TPH2: variants seen among roughly 807,000 people sequenced by gnomAD.
The protein encoded by TPH2 is tryptophan 5-hydroxylase 2.
TPH2 carries 27 observed loss-of-function variants against 59.1 expected under a neutral mutation model. That is an observed-to-expected ratio of 0.46 (90% CI 0.34 to 0.63). TPH2 has a LOEUF of 0.63. Ranked by LOEUF, TPH2 falls within the 30% of genes least tolerant of loss-of-function variation. The pLI, the probability that TPH2 is intolerant of heterozygous loss-of-function variation, is 0.01. For missense variants in TPH2, 523 were observed against 588.3 expected (o/e 0.89, Z 1.15); for synonymous variants, 220 against 210.5 (o/e 1.05, Z -0.39).
At chr12:71,983,304 A>G (rs1872336724) in intron 7 of TPH2, among the ~76,000 whole-genome samples, 1 of 152,120 alleles carries the variant, frequency 6.6e-6, no homozygotes, top group Admixed American at 6.5e-5. Flanking sequence ...GCATTTCGGT[A>G]TTGCCTGGCT....
At chr12:71,997,303 A>G (rs1449561246) in intron 8 of TPH2, among the ~76,000 whole-genome samples, 1 of 152,190 alleles carries the variant, frequency 6.6e-6, no homozygotes. Flanking sequence ...TGGATAATTT[A>G]TGATAATCTT....
chr12:71,941,685 C>T lies in TPH2; in HGVS notation c.207C>T (p.Ser69=), dbSNP rs757576713. Residue 69 remains serine (S), a synonymous_variant, in exon 2 of 11, where the codon TCC becomes TCT. Transcript: ENST00000333850. ...GTGGCAAGACAGCAGTTGTTTTCTC[C>T]TTGAAGAATGAAGTTGGTGGATTGG... ...TESGKTAVVF[S]LKNEVGGLVK... 6.2e-7 allele frequency: 1 copy of T among 1,614,080 alleles called. No homozygotes were observed.
At chr12:71,988,648 C>T (rs2099807746) in intron 7 of TPH2, among the ~76,000 whole-genome samples, 1 of 152,126 alleles carries the variant, frequency 6.6e-6, no homozygotes, top group Non-Finnish European at 1.5e-5. Flanking sequence ...CCACCAGGCC[C>T]CACCTTCAAC....
At chr12:71,985,961 A>G (rs1872422921) in intron 7 of TPH2, among the ~76,000 whole-genome samples, 1 of 152,218 alleles carries the variant, frequency 6.6e-6, no homozygotes, top group Non-Finnish European at 1.5e-5. Flanking sequence ...AGCATAGCTT[A>G]TATGCTAGGC....
At chr12:71,961,404 A>T (rs1871678146) in intron 5 of TPH2, 1 of 580,880 alleles carries the variant, frequency 1.7e-6, no homozygotes, top group Non-Finnish European at 2.6e-6. Context: ...GCACAAGACC[A>T]TGAGCTGTAG....
At chr12:71,947,626 G>A (rs1592860383) in intron 4 of TPH2, among the ~76,000 whole-genome samples, 1 of 151,866 alleles carries the variant, frequency 6.6e-6, no homozygotes, top group Non-Finnish European at 1.5e-5. Context: ...TGTTTTATCC[G>A]GTAACCCTAT....
chr12:72,014,053 G>A (rs749875103), intron 8 of TPH2, among the ~76,000 whole-genome samples: 1 of 152,146 alleles, frequency 6.6e-6, no homozygotes, highest in Non-Finnish European at 1.5e-5. Flanking sequence ...GTCGTGAAAG[G>A]CATTTGGACC....
intron 6 of TPH2, among the ~76,000 whole-genome samples, chr12:71,975,788 G>A (rs1006265147): frequency 3.3e-5 from 5 of 152,168 alleles, no homozygotes; most frequent in Non-Finnish European, 7.3e-5. Context: ...GAGAACTACC[G>A]ATCAGTATCA....
intron 5 of TPH2, among the ~76,000 whole-genome samples, chr12:71,960,686 A>G (rs1314752489): frequency 1.3e-5 from 2 of 152,224 alleles, no homozygotes; most frequent in African/African-American, 4.8e-5. Context: ...GCTGTGGAAA[A>G]CATTAACGCA....
chr12:72,030,809 G>A (rs941551492), intron 9 of TPH2, among the ~76,000 whole-genome samples: 4 of 151,986 alleles, frequency 2.6e-5, no homozygotes, highest in African/African-American at 7.3e-5. Context: ...TTTAGTCAGA[G>A]CCCCAATTAC....
At chr12:71,944,932 A>G (rs1251903212) in intron 4 of TPH2, among the ~76,000 whole-genome samples, 1 of 152,198 alleles carries the variant, frequency 6.6e-6, no homozygotes, top group African/African-American at 2.4e-5. Context: ...AGGAGACGCT[A>G]AACCTTGGAG....
chr12:71,967,062 G>A (rs1871837423), intron 5 of TPH2, among the ~76,000 whole-genome samples: 1 of 152,198 alleles, frequency 6.6e-6, no homozygotes, highest in Admixed American at 6.5e-5. Flanking sequence ...TCATCTGGCT[G>A]TAGAAAGAAC....
intron 8 of TPH2, among the ~76,000 whole-genome samples, chr12:72,008,211 T>C (rs1303395247): frequency 6.6e-6 from 1 of 152,208 alleles, no homozygotes; most frequent in African/African-American, 2.4e-5. Context: ...TGGTAAATTT[T>C]AATTTGCTGT....
intron 5 of TPH2, among the ~76,000 whole-genome samples, chr12:71,958,075 A>G (rs1436418712): frequency 6.6e-6 from 1 of 152,220 alleles, no homozygotes; most frequent in Non-Finnish European, 1.5e-5. Flanking sequence ...AGATGAGGAA[A>G]CTGATCTTCG....
chr12:72,031,314 A>C lies in TPH2; in HGVS notation c.1221A>C (p.Leu407Phe), dbSNP rs753015150. 11 of 1,613,710 alleles carry C rather than the reference A, an allele frequency of 6.8e-6. No individual in the cohort carries two copies. Among genetic ancestry groups the C allele is most frequent in the Non-Finnish European group, 9.3e-6 (11 of 1,179,640 alleles). ...CCTTTGACCCAAAGACAACTTGCTT[A>C]CAGGAATGCCTTATCACCACCTTCC... ...VKAFDPKTTCLQECLITTFQE... is the reference protein window; with the variant it reads ...VKAFDPKTTCFQECLITTFQE... The change falls in exon 10 of 11, where the codon TTA (leucine) becomes TTC (phenylalanine). Residue 407 changes from leucine to phenylalanine, a missense_variant. Transcript: ENST00000333850.
intron 7 of TPH2, among the ~76,000 whole-genome samples, chr12:71,984,590 C>T (rs773238652): frequency 2.6e-5 from 4 of 152,154 alleles, no homozygotes; most frequent in Admixed American, 6.5e-5. Flanking sequence ...CAGAGCTTTA[C>T]GGAGTTTAAC....
intron 8 of TPH2, among the ~76,000 whole-genome samples, chr12:72,015,991 G>A (rs1265780665): frequency 5.3e-5 from 8 of 152,126 alleles, no homozygotes; most frequent in African/African-American, 1.4e-4. Flanking sequence ...GACTGATAGT[G>A]GCCTTGTATC....
At chr12:71,976,415 A>T (rs1269382238) in intron 6 of TPH2, among the ~76,000 whole-genome samples, 1 of 152,176 alleles carries the variant, frequency 6.6e-6, no homozygotes, top group Non-Finnish European at 1.5e-5. Context: ...TAAAATACCT[A>T]ATTTATTTAA....
chr12:71,955,633 A>G (rs1019229864), intron 5 of TPH2, among the ~76,000 whole-genome samples: 3 of 152,194 alleles, frequency 2.0e-5, no homozygotes, highest in African/African-American at 7.2e-5. Flanking sequence ...CTCTAGTACT[A>G]CTTTATAGGA....
Sources: gnomAD v4.1 joint callset for allele counts (sites outside exome capture counted in the v4.1 genomes callset) on GRCh38, gnomAD v4.1.1 for gene constraint, MANE v1.5 for transcripts, NCBI Gene and HGNC (gene_info 2026-07-23, HGNC 2026-07-21) for gene names.